Variants in SLCO3A1 observed in about 807,000 individuals in gnomAD.
SLCO3A1 encodes the protein solute carrier organic anion transporter family member 3A1.
Under a neutral mutation model 63.1 loss-of-function variants are expected in SLCO3A1, and 27 were observed. That is an observed-to-expected ratio of 0.43 (90% CI 0.32 to 0.59). The LOEUF (loss-of-function observed/expected upper bound fraction) is 0.59. Among genes scored for constraint, SLCO3A1 ranks in the 20% least tolerant of loss-of-function variants. The probability of loss-of-function intolerance (pLI) is 0.09; values close to 1 mark genes in which losing one functional copy is unlikely to be tolerated. For missense variants in SLCO3A1, 773 were observed against 945.8 expected (o/e 0.82, Z 2.40); for synonymous variants, 473 against 409.9 (o/e 1.15, Z -1.86).
Position 92,132,727 on chromosome 15 carries a change from C to G in SLCO3A1, c.1512+4238C>G, listed in dbSNP as rs188464741. 3.4e-4 allele frequency among the ~76,000 whole-genome samples: 50 copies of G among 145,554 alleles called. 4 individuals carry two copies. The highest frequency in any genetic ancestry group is 2.5e-3 in the Admixed American group (37 of 14,642). Reference sequence around the variant, plus strand: ...TGATAGATGACTAATTCATCCCCCCCATTCCAGGCAACAAATATTTATTGA... The same window carrying G: ...TGATAGATGACTAATTCATCCCCCCGATTCCAGGCAACAAATATTTATTGA... On this transcript the variant is annotated intron_variant, in intron 7 of 9. Coordinates refer to ENST00000318445, the MANE Select transcript of SLCO3A1 (RefSeq NM_013272.4).
intron 7 of SLCO3A1, among the ~76,000 whole-genome samples, chr15:92,146,718 G>T (rs1235516145): frequency 6.6e-6 from 1 of 152,216 alleles, no homozygotes. Flanking sequence ...ACATTTATCT[G>T]TGGTTCAGCT....
intron 2 of SLCO3A1, among the ~76,000 whole-genome samples, chr15:92,011,915 G>A (rs2046373270): frequency 6.6e-6 from 1 of 152,242 alleles, no homozygotes; most frequent in Admixed American, 6.5e-5. Context: ...TATTTGGAAT[G>A]GCTCAGCCTG....
At chr15:92,030,523 G>A (rs1427814905) in intron 2 of SLCO3A1, among the ~76,000 whole-genome samples, 1 of 152,166 alleles carries the variant, frequency 6.6e-6, no homozygotes, top group Non-Finnish European at 1.5e-5. Context: ...TCTGCTGATT[G>A]AACTCTGGAA....
chr15:92,115,078 A>T (rs1469304986), intron 4 of SLCO3A1, among the ~76,000 whole-genome samples: 1 of 144,674 alleles, frequency 6.9e-6, no homozygotes, highest in Non-Finnish European at 1.5e-5. Flanking sequence ...AAAGAAAGTC[A>T]AGGCCAACTT....
downstream of SLCO3A1, among the ~76,000 whole-genome samples, chr15:92,166,606 C>T (rs1286906396): frequency 6.6e-6 from 1 of 152,182 alleles, no homozygotes; most frequent in Admixed American, 6.5e-5. Context: ...AAAAAGCCTG[C>T]AGAAACGTTC....
chr15:92,168,529 A>T (rs1387262194), downstream of SLCO3A1, among the ~76,000 whole-genome samples: 1 of 152,218 alleles, frequency 6.6e-6, no homozygotes. Flanking sequence ...AGGGAAGGCC[A>T]TCGTGTGCTG....
intron 2 of SLCO3A1, among the ~76,000 whole-genome samples, chr15:91,928,992 C>T (rs192570739): frequency 7.2e-5 from 11 of 152,172 alleles, no homozygotes; most frequent in African/African-American, 2.2e-4. Flanking sequence ...ACATACTAGA[C>T]GCCAGCGGGG....
chr15:92,120,722 A>C, intron 5 of SLCO3A1, 93 bp downstream of exon 5: 1 of 1,071,078 alleles, frequency 9.3e-7, no homozygotes, highest in South Asian at 1.4e-5. Flanking sequence ...GAAGAACCCC[A>C]CTCTGCTCTG....
intron 1 of SLCO3A1, among the ~76,000 whole-genome samples, chr15:91,878,327 A>C (rs1306677517): frequency 1.3e-5 from 2 of 152,018 alleles, no homozygotes; most frequent in African/African-American, 4.8e-5. Flanking sequence ...TGACCCGCCC[A>C]CCTCGGCTTC....
At chr15:92,150,549 T>G (rs1008717123) in intron 8 of SLCO3A1, among the ~76,000 whole-genome samples, 2 of 152,228 alleles carry the variant, frequency 1.3e-5, no homozygotes, top group African/African-American at 4.8e-5. Flanking sequence ...TCAGCTTGTT[T>G]GTGAAGGATA....
intron 2 of SLCO3A1, among the ~76,000 whole-genome samples, chr15:92,062,326 A>G (rs1399652263): frequency 6.6e-6 from 1 of 152,204 alleles, no homozygotes; most frequent in African/African-American, 2.4e-5. Context: ...GAGCAGGCTG[A>G]CCTGGGTCCA....
At chr15:91,878,561 G>T (rs1336007378) in intron 1 of SLCO3A1, among the ~76,000 whole-genome samples, 1 of 152,156 alleles carries the variant, frequency 6.6e-6, no homozygotes, top group Admixed American at 6.5e-5. Flanking sequence ...TGAAGCTTCC[G>T]CTCGGTATGC....
intron 2 of SLCO3A1, among the ~76,000 whole-genome samples, chr15:92,088,012 A>C (rs1004384486): frequency 6.6e-6 from 1 of 152,190 alleles, no homozygotes; most frequent in African/African-American, 2.4e-5. Flanking sequence ...GGGAGAGTCC[A>C]CAGCACAGAC....
chr15:92,142,972 G>A (rs75704099), intron 7 of SLCO3A1, among the ~76,000 whole-genome samples: 1,646 of 152,100 alleles, frequency 0.011, 43 homozygotes, highest in African/African-American at 0.037. Context: ...AAAGCTCACC[G>A]ATCACATGGC....
At chr15:92,047,004 TATAAATATATATATA>T (rs2046873135) in intron 2 of SLCO3A1, among the ~76,000 whole-genome samples, 7 of 89,742 alleles carry the variant, frequency 7.8e-5, no homozygotes, top group African/African-American at 2.8e-4. Context: ...AATATATATA[TATAAATATATATATA>T]ATATATAAAT....
intron 1 of SLCO3A1, among the ~76,000 whole-genome samples, chr15:91,902,645 T>C (rs909803029): frequency 3.9e-5 from 6 of 152,154 alleles, no homozygotes; most frequent in African/African-American, 1.4e-4. Flanking sequence ...CAGTTTGTTG[T>C]ATGTTTTGTC....
In SLCO3A1 at chr15:91,967,507, C is replaced by T. The variant is rs769853767; in HGVS notation, c.646+51049C>T. 2.0e-5 allele frequency among the ~76,000 whole-genome samples: 3 copies of T among 152,214 alleles called. No homozygotes were observed. On this transcript the variant is annotated intron_variant, in intron 2 of 9. Transcript: ENST00000318445. The surrounding 1 kb of genome is among the most constrained non-coding windows in gnomAD (Gnocchi z 4.4). ...CCACCTCTCCTGTAGGACTGAGGTG[C>T]CGTTGTGGGGACATAACGCAGAAGC...
At chr15:92,002,501 T>G (rs778644103) in intron 2 of SLCO3A1, among the ~76,000 whole-genome samples, 1 of 152,224 alleles carries the variant, frequency 6.6e-6, no homozygotes, top group Non-Finnish European at 1.5e-5. Flanking sequence ...GCTTTTTCTC[T>G]TCTGTTTTAA....
intron 2 of SLCO3A1, among the ~76,000 whole-genome samples, chr15:92,080,265 A>G (rs2047327075): frequency 6.6e-6 from 1 of 152,156 alleles, no homozygotes. Flanking sequence ...TTACAGTTCA[A>G]CACACACGGA....
Sources: allele counts gnomAD v4.1 joint callset (sites outside exome capture counted in the v4.1 genomes callset), GRCh38; gene constraint gnomAD v4.1.1; non-coding constraint Gnocchi (gnomAD v3.1); transcripts MANE v1.5; gene names NCBI Gene and HGNC (gene_info 2026-07-23, HGNC 2026-07-21).